The following COLEC10 variants were observed in gnomAD, a reference collection of about 807,000 sequenced individuals.
COLEC10 encodes collectin-10.
Under a neutral mutation model 28.4 loss-of-function variants are expected in COLEC10, and 22 were observed. That is an observed-to-expected ratio of 0.78 (90% confidence interval 0.55 to 1.11). The LOEUF is 1.11. COLEC10 is among the 50% of genes least tolerant of loss of function. The pLI is 0.00. For synonymous variants in COLEC10, 125 were observed against 116.1 expected, an observed-to-expected ratio of 1.08 and a Z score of -0.49; for missense variants, 361 against 344.1, an observed-to-expected ratio of 1.05 and a Z score of -0.39.
chr8:118,983,240 T>C, the COLEC10 span, among the ~76,000 whole-genome samples: 1 of 152,192 alleles, frequency 6.6e-6, no homozygotes, highest in Non-Finnish European at 1.5e-5. Flanking sequence ...TTGTGTCTAC[T>C]GGAATGCATA....
At chr8:119,094,573 T>G (rs868233113) in intron 3 of COLEC10, among the ~76,000 whole-genome samples, 1 of 152,126 alleles carries the variant, frequency 6.6e-6, no homozygotes, top group Non-Finnish European at 1.5e-5. Context: ...GAGAAGGGAA[T>G]CATACTAAGG....
the COLEC10 span, among the ~76,000 whole-genome samples, chr8:118,967,709 CAAAG>C: frequency 1.3e-5 from 2 of 151,916 alleles, no homozygotes; most frequent in Non-Finnish European, 2.9e-5. Context: ...TAATTGTAAA[CAAAG>C]AAATTTTGTT....
At chr8:119,003,560 GT>G (rs1563713712) in intron 1 of COLEC10, among the ~76,000 whole-genome samples, 1 of 152,130 alleles carries the variant, frequency 6.6e-6, no homozygotes, top group African/African-American at 2.4e-5. Flanking sequence ...GTTATGTAAA[GT>G]TGGGTAGTTC....
At chr8:119,015,505 T>C (rs779487395) in intron 2 of COLEC10, among the ~76,000 whole-genome samples, 15 of 152,144 alleles carry the variant, frequency 9.9e-5, no homozygotes, top group Non-Finnish European at 1.9e-4. Context: ...TTCCCCTCCC[T>C]GTGCTAGAAA....
chr8:119,033,215 G>A (rs929457725), intron 2 of COLEC10, among the ~76,000 whole-genome samples: 3 of 149,868 alleles, frequency 2.0e-5, no homozygotes, highest in African/African-American at 7.5e-5. Flanking sequence ...TTCAGCCACA[G>A]GCAAGTTACT....
chr8:119,031,735 T>A lies in COLEC10; in HGVS notation n.235+22182T>A, dbSNP rs868013201. Among the ~76,000 whole-genome samples, 24 of 152,320 alleles carry A rather than the reference T, an allele frequency of 1.6e-4. No homozygotes were observed. In the Middle Eastern group the frequency reaches 0.02, roughly 130 times the overall value. Reference sequence around the variant, plus strand: ...ATAATTCTTTTCTGATTGTGTTAAATTTAATAATTAGTTCAAAGGAGGATA... The same window carrying A: ...ATAATTCTTTTCTGATTGTGTTAAAATTAATAATTAGTTCAAAGGAGGATA... On this transcript the variant is annotated intron_variant and non_coding_transcript_variant, in intron 2 of 6. Coordinates refer to the COLEC10 transcript ENST00000521788.
chr8:119,068,454 C>T (rs895992069), intron 1 of COLEC10: 10 of 151,972 alleles, frequency 6.6e-5, no homozygotes, highest in South Asian at 2.1e-4. Flanking sequence ...ATGAATAATG[C>T]GAGGGCAAAT....
At chr8:119,074,179 A>G (rs1311518997) in intron 1 of COLEC10, among the ~76,000 whole-genome samples, 1 of 152,084 alleles carries the variant, frequency 6.6e-6, no homozygotes, top group African/African-American at 2.4e-5. Context: ...GAGACAATTA[A>G]TGGGTACAAA....
chr8:119,100,760 T>A (rs977022149), intron 3 of COLEC10, among the ~76,000 whole-genome samples: 2 of 152,176 alleles, frequency 1.3e-5, no homozygotes, highest in African/African-American at 4.8e-5. Context: ...TCACGTTCCA[T>A]TGGTATAGAT....
intron 2 of COLEC10, among the ~76,000 whole-genome samples, chr8:119,060,613 C>A (rs1392876180): frequency 6.6e-6 from 1 of 152,078 alleles, no homozygotes; most frequent in African/African-American, 2.4e-5. Context: ...AAATCCCTTT[C>A]TTAATCAGAA....
chr8:119,105,725 TG>T, intron 5 of COLEC10, 74 bp from the exon 6 acceptor site: 1 of 1,239,480 alleles, frequency 8.1e-7, no homozygotes, highest in Non-Finnish European at 1.1e-6. Context: ...AATGTAAATC[TG>T]GCAATATCAT....
chr8:119,014,822 AG>A (rs1231455238), intron 2 of COLEC10, among the ~76,000 whole-genome samples: 1 of 151,078 alleles, frequency 6.6e-6, no homozygotes, highest in Non-Finnish European at 1.5e-5. Context: ...CCTGAAACGC[AG>A]ATTTTTTTCC....
chr8:118,955,572 C>G, the COLEC10 span, among the ~76,000 whole-genome samples: 1 of 152,202 alleles, frequency 6.6e-6, no homozygotes, highest in Non-Finnish European at 1.5e-5. Flanking sequence ...ATAAACAAGA[C>G]TGTGTATCAC....
chr8:119,082,194 A>G (rs1422387431), intron 1 of COLEC10, among the ~76,000 whole-genome samples: 1 of 152,138 alleles, frequency 6.6e-6, no homozygotes, highest in Non-Finnish European at 1.5e-5. Context: ...AAAGAAGAAT[A>G]TGGAGTGGAC....
At chr8:119,070,385 C>T (rs1815078111) in intron 1 of COLEC10, among the ~76,000 whole-genome samples, 1 of 151,674 alleles carries the variant, frequency 6.6e-6, no homozygotes, top group Non-Finnish European at 1.5e-5. Context: ...CATTATTTTT[C>T]TTTCTATGCC....
chr8:119,019,985 A>G (rs1814064253), intron 2 of COLEC10, among the ~76,000 whole-genome samples: 1 of 152,164 alleles, frequency 6.6e-6, no homozygotes, highest in South Asian at 2.1e-4. Flanking sequence ...TTCACTTCTC[A>G]ATATTTCTCT....
chr8:119,004,823 T>C (rs1414575793), intron 1 of COLEC10, among the ~76,000 whole-genome samples: 1 of 151,882 alleles, frequency 6.6e-6, no homozygotes, highest in Admixed American at 6.6e-5. Context: ...ACCCAGGCCA[T>C]TGACTCTTCC....
chr8:119,089,743 G>C lies in COLEC10; in HGVS notation c.212G>C (p.Gly71Ala). Reference protein sequence around the residue: ...EGKHGKVGRMGPKGIKGELGD... With the variant: ...EGKHGKVGRMAPKGIKGELGD... The stretch of plus-strand genomic sequence containing the variant: ...AAGCATGGCAAAGTGGGACGCATGG[G>C]GCCGAAAGGTAACTAAAATGATGTG... Residue 71 changes from glycine (G) to alanine (A), a missense_variant, in exon 2 of 6, where the codon GGG becomes GCG. Around this residue, in one of 3 missense-constraint regions of COLEC10, gnomAD observed 335 missense variants for 308.5 expected, o/e 1.09. Coordinates refer to ENST00000332843, the MANE Select transcript of COLEC10 (RefSeq NM_006438.5). 1 of 1,612,950 alleles carries C rather than the reference G, an allele frequency of 6.2e-7. No individual in the cohort carries two copies. Among genetic ancestry groups the C allele is most frequent in the Non-Finnish European group, 8.5e-7 (1 of 1,179,142 alleles).
chr8:119,072,632 C>T (rs1190493928), intron 1 of COLEC10, among the ~76,000 whole-genome samples: 1 of 152,142 alleles, frequency 6.6e-6, no homozygotes, highest in East Asian at 1.9e-4. Context: ...GGCCCCTACA[C>T]AGTGTTGATG....
Sources: allele counts gnomAD v4.1 joint callset (sites outside exome capture counted in the v4.1 genomes callset), GRCh38; gene constraint gnomAD v4.1.1; regional missense constraint gnomAD v4.1.1; transcripts MANE v1.5; gene names NCBI Gene and HGNC (gene_info 2026-07-23, HGNC 2026-07-21).